RSBN1L: variants seen among roughly 807,000 people sequenced by gnomAD.
The protein encoded by RSBN1L is lysine-specific demethylase RSBN1L.
Under a neutral mutation model 67.7 loss-of-function variants are expected in RSBN1L, and 30 were observed. The observed-to-expected ratio is 0.44, with a 90% CI of 0.33 to 0.60. RSBN1L has a LOEUF of 0.60. Among genes scored for constraint, RSBN1L ranks in the 20% least tolerant of loss-of-function variants. RSBN1L has a pLI of 0.02. For synonymous variants in RSBN1L, 433 were observed against 387.0 expected (o/e 1.12, Z -1.39); for missense variants, 992 against 1,031.7 (o/e 0.96, Z 0.53).
intron 1 of RSBN1L, among the ~76,000 whole-genome samples, chr7:77,734,229 A>G (rs1237126263): frequency 6.6e-6 from 1 of 152,212 alleles, no homozygotes; most frequent in East Asian, 1.9e-4. Flanking sequence ...GGGAACACAG[A>G]AGGATTCTGT....
chr7:77,714,573 A>G (rs923922758), intron 1 of RSBN1L, among the ~76,000 whole-genome samples: 3 of 152,080 alleles, frequency 2.0e-5, no homozygotes, highest in Non-Finnish European at 4.4e-5. Context: ...TTTTGTGGAG[A>G]TAGCACAATT....
chr7:77,724,088 A>G (rs1046248574), intron 1 of RSBN1L, among the ~76,000 whole-genome samples: 1 of 152,096 alleles, frequency 6.6e-6, no homozygotes, highest in Non-Finnish European at 1.5e-5. Flanking sequence ...GCTTATAATT[A>G]TTTCTAATTT....
intron 1 of RSBN1L, among the ~76,000 whole-genome samples, chr7:77,706,441 C>A (rs1167989003): frequency 1.3e-5 from 2 of 152,034 alleles, no homozygotes; most frequent in Non-Finnish European, 2.9e-5. Flanking sequence ...CAACTCCTGA[C>A]CTCAAGTGAT....
At chr7:77,717,164 G>T (rs762303633) in intron 1 of RSBN1L, among the ~76,000 whole-genome samples, 2 of 151,288 alleles carry the variant, frequency 1.3e-5, no homozygotes, top group Non-Finnish European at 2.9e-5. Flanking sequence ...GTCTTGCCAT[G>T]TTGCCTGGAC....
intron 1 of RSBN1L, among the ~76,000 whole-genome samples, chr7:77,708,538 C>T (rs186411379): frequency 3.0e-4 from 45 of 152,168 alleles, no homozygotes; most frequent in African/African-American, 8.9e-4. Context: ...TCCGCCACCG[C>T]GCCTGGCTCA....
chr7:77,781,321 ATCT>A lies in RSBN1L; in HGVS notation c.*2157_*2159del, dbSNP rs1280842081. The A allele has an allele frequency of 3.3e-5, 5 of 152,196 alleles. No homozygotes were observed. The highest frequency in any genetic ancestry group is 3.8e-4 in the East Asian group (2 of 5,202). 9.4% of individuals were successfully genotyped at this position (152,196 alleles called of 1,614,324 possible). Reference sequence around the variant, plus strand: ...TCTTACCATGCTCCCCACCTATTTAATCTTCTGTTTTAAGCTAAATTTATGGAT... The same window carrying A: ...TCTTACCATGCTCCCCACCTATTTAATCTGTTTTAAGCTAAATTTATGGAT... On this transcript the variant is annotated 3_prime_UTR_variant, in exon 8 of 8. Coordinates refer to ENST00000334955, the MANE Select transcript of RSBN1L (RefSeq NM_198467.3).
chr7:77,697,213 A>T, intron 1 of RSBN1L, 158 bp downstream of exon 1: 1 of 738,866 alleles, frequency 1.4e-6, no homozygotes, highest in Non-Finnish European at 1.9e-6. Context: ...TGCAGTTCCC[A>T]AGGGGACAGG....
At chr7:77,703,626 C>T (rs1012416693) in intron 1 of RSBN1L, among the ~76,000 whole-genome samples, 1 of 151,306 alleles carries the variant, frequency 6.6e-6, no homozygotes, top group African/African-American at 2.4e-5. Flanking sequence ...GTAGCTGGAA[C>T]TACAGGTGCC....
chr7:77,698,085 A>G (rs572635738), intron 1 of RSBN1L, among the ~76,000 whole-genome samples: 67 of 152,266 alleles, frequency 4.4e-4, no homozygotes, highest in Non-Finnish European at 8.4e-4. Context: ...TGCTGATCTA[A>G]CAGTAGCTCA....
rs1554338354 is a variant in RSBN1L, at chr7:77,725,243, A to AATTTTTTTTTTTTT, written c.587-11167_587-11166insATTTTTTTTTTTTT. ...TTTCTTCCCTAGGGATAAGCCCCCC[A>AATTTTTTTTTTTTT]CTTTTTTTTTTTTTTTTTTTTTGAG... On this transcript the variant is annotated intron_variant, in intron 1 of 7. Coordinates refer to ENST00000334955, the MANE Select transcript of RSBN1L (RefSeq NM_198467.3). Among the ~76,000 whole-genome samples, 18 of 57,916 alleles carry AATTTTTTTTTTTTT rather than the reference A, an allele frequency of 3.1e-4. 3 individuals are homozygous for AATTTTTTTTTTTTT. Among genetic ancestry groups the AATTTTTTTTTTTTT allele is most frequent in the African/African-American group, 1.5e-3 (17 of 11,300 alleles). 38.0% of individuals were successfully genotyped at this position (57,916 alleles called of 152,430 possible).
intron 3 of RSBN1L, among the ~76,000 whole-genome samples, chr7:77,758,857 T>A (rs1562806889): frequency 6.6e-6 from 1 of 152,218 alleles, no homozygotes; most frequent in Non-Finnish European, 1.5e-5. Context: ...TTCTGTCTTG[T>A]CACTATGTTT....
chr7:77,697,094 G>C, intron 1 of RSBN1L, 39 bp downstream of exon 1: 1 of 1,339,542 alleles, frequency 7.5e-7, no homozygotes, highest in Non-Finnish European at 9.5e-7. Flanking sequence ...AGGGCGCCGT[G>C]GGTCCCCGCC....
chr7:77,769,240 A>T (rs1047949435), intron 5 of RSBN1L, among the ~76,000 whole-genome samples: 2 of 152,228 alleles, frequency 1.3e-5, no homozygotes, highest in African/African-American at 4.8e-5. Context: ...TTATTTTAAA[A>T]TTCATAAGGA....
intron 6 of RSBN1L, among the ~76,000 whole-genome samples, chr7:77,777,085 T>TA (rs1791928457): frequency 6.6e-6 from 1 of 151,888 alleles, no homozygotes; most frequent in African/African-American, 2.4e-5. Context: ...ATTGTCAACT[T>TA]ACCACAATCT....
intron 1 of RSBN1L, among the ~76,000 whole-genome samples, chr7:77,734,458 A>G (rs543866139): frequency 3.9e-5 from 6 of 152,174 alleles, no homozygotes; most frequent in African/African-American, 1.4e-4. Flanking sequence ...GAAATATTAT[A>G]TAATGTGTCT....
chr7:77,738,464 A>G (rs879391734), intron 2 of RSBN1L, among the ~76,000 whole-genome samples: 1 of 152,212 alleles, frequency 6.6e-6, no homozygotes, highest in Admixed American at 6.5e-5. Context: ...AAATTTAGGG[A>G]AAATGTATTC....
At chr7:77,743,226 G>A (rs747052227) in intron 2 of RSBN1L, among the ~76,000 whole-genome samples, 14 of 152,000 alleles carry the variant, frequency 9.2e-5, no homozygotes, top group Admixed American at 6.6e-5. Context: ...GCTAATTTTT[G>A]TATTTTTTGT....
intron 1 of RSBN1L, among the ~76,000 whole-genome samples, chr7:77,709,833 T>C (rs1790949537): frequency 6.6e-6 from 1 of 152,224 alleles, no homozygotes; most frequent in Admixed American, 6.5e-5. Context: ...ACTTAGTCCA[T>C]TTTTAAATCT....
At chr7:77,772,638 G>T (rs1384710899) in intron 5 of RSBN1L, among the ~76,000 whole-genome samples, 3 of 152,142 alleles carry the variant, frequency 2.0e-5, no homozygotes, top group Non-Finnish European at 4.4e-5. Flanking sequence ...TCTGTTTTTT[G>T]ATTCTTCCCT....
Sources: gnomAD v4.1 joint callset for allele counts (sites outside exome capture counted in the v4.1 genomes callset) on GRCh38, gnomAD v4.1.1 for gene constraint, MANE v1.5 for transcripts, NCBI Gene and HGNC (gene_info 2026-07-23, HGNC 2026-07-21) for gene names.